NLGN1: variants seen among roughly 807,000 people sequenced by gnomAD.
NLGN1 encodes neuroligin-1.
A neutral mutation model predicts 65.5 loss-of-function variants in NLGN1; 12 were observed. The ratio of observed to expected loss-of-function variants is 0.18; its 90% CI spans 0.12 to 0.30. NLGN1 has a LOEUF of 0.30. NLGN1 is among the 10% of genes least tolerant of loss of function. NLGN1 has a pLI of 1.00. For synonymous variants in NLGN1, 350 were observed against 359.5 expected, an observed-to-expected ratio of 0.97 and a Z score of 0.30; for missense variants, 750 against 1,007.1, an observed-to-expected ratio of 0.74 and a Z score of 3.46.
intron 4 of NLGN1, among the ~76,000 whole-genome samples, chr3:173,934,512 G>A (rs1467721895): frequency 1.3e-5 from 2 of 151,740 alleles, no homozygotes; most frequent in African/African-American, 4.8e-5. Flanking sequence ...CTCAAATGGT[G>A]ACTTTTTATA....
At position 174,275,445 on chromosome 3, in the gene NLGN1, A is replaced by G. The variant is rs752588357; in HGVS notation, c.777A>G (p.Gly259=). 88 of 1,612,646 alleles carry G rather than the reference A, an allele frequency of 5.5e-5. 1 individual carries two copies. In the Middle Eastern group the frequency reaches 3.0e-3, roughly 54 times the overall value. ...ACCCCTTAAGAATCACTGTTTTTGG[A>G]TCTGGTGCTGGGGGTTCATGTGTCA... The change falls in exon 5 of 7, where the codon GGA becomes GGG. Residue 259 remains glycine (G), a synonymous_variant. Coordinates refer to ENST00000457714, the Ensembl canonical transcript of NLGN1.
exon 3 of NLGN1, chr3:173,604,888 C>T (rs552792410): frequency 1.9e-6 from 3 of 1,613,674 alleles, no homozygotes; most frequent in African/African-American, 1.3e-5. Flanking sequence ...CGTTTTCAGC[C>T]TCCAGAACCA....
Position 173,732,114 on chromosome 3 carries a change from C to G in NLGN1, c.494-75566C>G, listed in dbSNP as rs1443066934. Among the ~76,000 whole-genome samples the G allele has an allele frequency of 3.9e-5, 6 of 152,058 alleles. No homozygotes were observed. In the East Asian group the frequency reaches 1.2e-3, roughly 29 times the overall value. On this transcript the variant is annotated intron_variant, in intron 3 of 6. Transcript: ENST00000457714. ...TCATTTAAATTGCTTAAACCCCCTT[C>G]ACTAGGACCTTAAATGCCCCAGTAG...
At chr3:173,916,036 A>G (rs1463660669) in intron 4 of NLGN1, among the ~76,000 whole-genome samples, 1 of 152,120 alleles carries the variant, frequency 6.6e-6, no homozygotes, top group Admixed American at 6.6e-5. Flanking sequence ...GGTTAACATG[A>G]GCATGTTTTA....
chr3:174,131,590 T>C (rs951775678), intron 4 of NLGN1, among the ~76,000 whole-genome samples: 1 of 152,216 alleles, frequency 6.6e-6, no homozygotes, highest in Non-Finnish European at 1.5e-5. Context: ...ATGAAGATAA[T>C]ATACTTTTTA....
At chr3:173,439,560 CTTGGATATATTGTAGGTT>C (rs1718777801) in intron 2 of NLGN1, among the ~76,000 whole-genome samples, 1 of 150,212 alleles carries the variant, frequency 6.7e-6, no homozygotes, top group East Asian at 1.9e-4. Flanking sequence ...ACAGGAACAC[CTTGGATATATTGTAGGTT>C]TTGTTCCACA....
chr3:174,237,655 C>G (rs1462187930), intron 4 of NLGN1, among the ~76,000 whole-genome samples: 1 of 152,086 alleles, frequency 6.6e-6, no homozygotes, highest in Non-Finnish European at 1.5e-5. Flanking sequence ...TGTATGAGTT[C>G]AAGTGATTCT....
chr3:174,270,407 T>C (rs1456099717), intron 4 of NLGN1, among the ~76,000 whole-genome samples: 1 of 151,820 alleles, frequency 6.6e-6, no homozygotes, highest in Non-Finnish European at 1.5e-5. Context: ...ACTGTTCTTT[T>C]GCCATTGCAT....
At chr3:173,557,386 C>A (rs997281095) in intron 2 of NLGN1, among the ~76,000 whole-genome samples, 1 of 152,068 alleles carries the variant, frequency 6.6e-6, no homozygotes, top group African/African-American at 2.4e-5. Flanking sequence ...TGACTTATCT[C>A]ATTTTTTTCT....
At chr3:174,121,401 T>C (rs1576983264) in intron 4 of NLGN1, among the ~76,000 whole-genome samples, 1 of 152,232 alleles carries the variant, frequency 6.6e-6, no homozygotes, top group East Asian at 1.9e-4. Flanking sequence ...GGGTGACCTG[T>C]GCTTTGTGTA....
intron 4 of NLGN1, among the ~76,000 whole-genome samples, chr3:173,957,632 T>C (rs1667121280): frequency 6.6e-6 from 1 of 152,194 alleles, no homozygotes; most frequent in Non-Finnish European, 1.5e-5. Flanking sequence ...TACTGGGTCA[T>C]GGCAGAAAAT....
intron 4 of NLGN1, among the ~76,000 whole-genome samples, chr3:173,903,348 A>T (rs1415392690): frequency 6.6e-6 from 1 of 152,122 alleles, no homozygotes; most frequent in African/African-American, 2.4e-5. Flanking sequence ...ATGGAAGTGG[A>T]GTACTCAGGG....
chr3:174,203,395 C>G (rs1330550764), intron 4 of NLGN1, among the ~76,000 whole-genome samples: 1 of 152,214 alleles, frequency 6.6e-6, no homozygotes, highest in Non-Finnish European at 1.5e-5. Context: ...AACACTCACC[C>G]CTCCAGATTA....
At position 173,504,446 on chromosome 3, in the gene NLGN1, G is replaced by A. The variant is rs527621214; in HGVS notation, c.-321+69368G>A. On this transcript the variant is annotated intron_variant, in intron 2 of 6. Transcript: ENST00000457714. ...TTTACTTCAGATTTACATTTTCAAC[G>A]TCAGTAATTCAAAATCTAACCTAAA... Among the ~76,000 whole-genome samples the A allele has an allele frequency of 2.0e-3, 311 of 152,020 alleles. 1 individual carries two copies. Among genetic ancestry groups the A allele is most frequent in the African/African-American group, 6.7e-3 (276 of 41,480 alleles).
At chr3:173,424,271 T>C (rs1715691139) in intron 1 of NLGN1, among the ~76,000 whole-genome samples, 1 of 152,200 alleles carries the variant, frequency 6.6e-6, no homozygotes, top group Non-Finnish European at 1.5e-5. Flanking sequence ...GGGGCTGCTC[T>C]GAAGGTCTCT....
intron 4 of NLGN1, among the ~76,000 whole-genome samples, chr3:174,241,635 C>T (rs938113024): frequency 5.9e-5 from 9 of 151,502 alleles, no homozygotes; most frequent in African/African-American, 1.5e-4. Context: ...CCCTACCCCC[C>T]AACATCCAAC....
chr3:174,072,848 C>G (rs976020962), intron 4 of NLGN1, among the ~76,000 whole-genome samples: 1 of 152,088 alleles, frequency 6.6e-6, no homozygotes, highest in Non-Finnish European at 1.5e-5. Flanking sequence ...CTGAGTGAAT[C>G]ACTACCAGTA....
chr3:174,046,067 A>G (rs1346058073), intron 4 of NLGN1, among the ~76,000 whole-genome samples: 1 of 152,204 alleles, frequency 6.6e-6, no homozygotes, highest in African/African-American at 2.4e-5. Flanking sequence ...TGACCTAAAG[A>G]GAAAGGTGCT....
intron 1 of NLGN1, among the ~76,000 whole-genome samples, chr3:173,419,991 ATAAAATAAAG>A (rs1187744971): frequency 1.9e-4 from 27 of 142,364 alleles, no homozygotes; most frequent in South Asian, 1.4e-3. Flanking sequence ...ATAAAATAAA[ATAAAATAAAG>A]TAAAATAAAA....
Sources: allele counts gnomAD v4.1 joint callset (sites outside exome capture counted in the v4.1 genomes callset), GRCh38; gene constraint gnomAD v4.1.1; transcripts MANE v1.5; gene names NCBI Gene and HGNC (gene_info 2026-07-23, HGNC 2026-07-21).